The following UTRN variants were observed in gnomAD, a reference collection of about 807,000 sequenced individuals.
UTRN encodes the protein dystrophin-related protein 1.
Under a neutral mutation model 463.9 loss-of-function variants are expected in UTRN, and 283 were observed. The observed-to-expected ratio is 0.61, with a 90% CI of 0.55 to 0.67. The LOEUF is 0.67. Among genes scored for constraint, UTRN ranks in the 30% least tolerant of loss-of-function variants. UTRN has a pLI of 0.00. For missense variants in UTRN, 3,922 were observed against 4,084.3 expected (o/e 0.96, Z 1.08); for synonymous variants, 1,442 against 1,431.5 (o/e 1.01, Z -0.17).
chr6:144,384,263 C>T (rs1205331583), intron 2 of UTRN, among the ~76,000 whole-genome samples: 1 of 152,144 alleles, frequency 6.6e-6, no homozygotes, highest in Non-Finnish European at 1.5e-5. Flanking sequence ...AGGCGAGTCA[C>T]ACAGCAGGGG....
chr6:144,692,726 C>T (rs1783562820), intron 52 of UTRN, among the ~76,000 whole-genome samples: 1 of 152,004 alleles, frequency 6.6e-6, no homozygotes, highest in Non-Finnish European at 1.5e-5. Context: ...GTCCTTTGCC[C>T]ACTTTTTATG....
intron 37 of UTRN, among the ~76,000 whole-genome samples, chr6:144,515,354 A>C (rs930003114): frequency 1.3e-5 from 2 of 152,244 alleles, no homozygotes; most frequent in Non-Finnish European, 2.9e-5. Context: ...TCAAAGACTC[A>C]GTCAAAGGTT....
At chr6:144,552,820 TA>T (rs1010175506) in intron 48 of UTRN, among the ~76,000 whole-genome samples, 1 of 152,218 alleles carries the variant, frequency 6.6e-6, no homozygotes, top group African/African-American at 2.4e-5. Flanking sequence ...TGTTTACTGT[TA>T]AAGGATTCTA....
intron 2 of UTRN, among the ~76,000 whole-genome samples, chr6:144,341,091 G>A (rs192528992): frequency 6.6e-6 from 1 of 152,156 alleles, no homozygotes; most frequent in Non-Finnish European, 1.5e-5. Context: ...ACTATGGAAA[G>A]TTCTATTTGA....
At chr6:144,666,230 A>T (rs1035691900) in intron 51 of UTRN, among the ~76,000 whole-genome samples, 8 of 152,194 alleles carry the variant, frequency 5.3e-5, no homozygotes, top group African/African-American at 1.7e-4. Context: ...GCATCATTGC[A>T]TAGTGATCTA....
intron 18 of UTRN, among the ~76,000 whole-genome samples, chr6:144,452,737 C>T (rs1383537806): frequency 6.6e-6 from 1 of 151,482 alleles, no homozygotes; most frequent in Non-Finnish European, 1.5e-5. Context: ...GAGTTTGAGA[C>T]CAGCCTGGGC....
rs949707762 is a variant in UTRN, at chr6:144,495,267, C to T, written c.4593+1811C>T. ...GAGGGGGTGGGAGGCTCAGGAATGG[C>T]GGGCTGCAGGTCCCGAGCCCTGCCC... On this transcript the variant is annotated intron_variant, in intron 33 of 74. Transcript: ENST00000367545. Among the ~76,000 whole-genome samples the T allele has an allele frequency of 2.0e-5, 3 of 152,194 alleles. No homozygotes were observed. In the East Asian group the frequency reaches 5.8e-4, roughly 29 times the overall value.
At chr6:144,799,397 A>C in intron 64 of UTRN, 1 of 470,672 alleles carries the variant, frequency 2.1e-6, no homozygotes, top group South Asian at 1.6e-5. Flanking sequence ...TAGAGTGAGC[A>C]TTAGCCTGGC....
At chr6:144,657,595 C>T (rs115105180) in intron 51 of UTRN, among the ~76,000 whole-genome samples, 9 of 152,126 alleles carry the variant, frequency 5.9e-5, no homozygotes, top group African/African-American at 1.4e-4. Context: ...TTGTGTTTAA[C>T]CTTGGGTGTG....
chr6:144,468,471 GCC>G (rs1171763727), intron 23 of UTRN, among the ~76,000 whole-genome samples: 1 of 151,658 alleles, frequency 6.6e-6, no homozygotes, highest in Non-Finnish European at 1.5e-5. Context: ...AGAAATGGCT[GCC>G]CCAGATTAGT....
chr6:144,737,284 G>T (rs538297826), intron 54 of UTRN, among the ~76,000 whole-genome samples: 1 of 152,150 alleles, frequency 6.6e-6, no homozygotes, highest in Non-Finnish European at 1.5e-5. Context: ...CTTGATGTCC[G>T]GTGAGTGATG....
At chr6:144,540,809 C>T (rs920903820) in intron 45 of UTRN, among the ~76,000 whole-genome samples, 5 of 152,168 alleles carry the variant, frequency 3.3e-5, no homozygotes, top group Non-Finnish European at 7.3e-5. Flanking sequence ...CTTCAAAATA[C>T]GTATCTACTG....
chr6:144,537,653 A>G lies in UTRN; in HGVS notation c.6305A>G (p.Lys2102Arg), dbSNP rs1797651059. ...QLDEIICWLT[K>R]AEHAMQKRST... is the part of the protein sequence containing the mutation. ...GATGAGATTATCTGTTGGTTAACAAAGGCTGAGCATGCTATGCAAAAGAGA... is the reference window on the plus strand; with the variant it reads ...GATGAGATTATCTGTTGGTTAACAAGGGCTGAGCATGCTATGCAAAAGAGA... Residue 2102 changes from lysine (K) to arginine (R), a missense_variant, in exon 44 of 75, where the codon AAG (lysine) becomes AGG (arginine). This residue lies in a region of UTRN where 2,349 missense variants were observed against 2,303.8 expected (regional missense o/e 1.02). Transcript: ENST00000367545. 1 of 1,612,764 alleles carries G rather than the reference A, an allele frequency of 6.2e-7. No individual in the cohort carries two copies. The highest frequency in any genetic ancestry group is 8.5e-7 in the Non-Finnish European group (1 of 1,179,484).
intron 51 of UTRN, among the ~76,000 whole-genome samples, chr6:144,637,022 G>C (rs963428779): frequency 2.0e-5 from 3 of 152,182 alleles, no homozygotes; most frequent in Non-Finnish European, 4.4e-5. Context: ...AGCCTGAAGT[G>C]CAGTGATGTG....
intron 51 of UTRN, among the ~76,000 whole-genome samples, chr6:144,579,305 A>C (rs142699259): frequency 6.6e-6 from 1 of 152,296 alleles, no homozygotes; most frequent in Admixed American, 6.5e-5. Flanking sequence ...GTGTGGATAG[A>C]TGCTAGATTA....
chr6:144,521,957 T>A lies in UTRN; in HGVS notation c.5542-23T>A, dbSNP rs200454474. On this transcript the variant is annotated intron_variant, in intron 39 of 74. Transcript: ENST00000367545. Reference sequence around the variant, plus strand: ...AAGAGATATATATATATATATATATTTTTTTTTTTGCTGTTTTTGTAGGCA... The same window carrying A: ...AAGAGATATATATATATATATATATATTTTTTTTTGCTGTTTTTGTAGGCA... 5,552 of 1,250,384 alleles carry A rather than the reference T, an allele frequency of 4.4e-3. 15 individuals carry two copies. Among genetic ancestry groups the A allele is most frequent in the African/African-American group, 0.021 (1,297 of 62,140 alleles). The allele number at this position is 1,250,384 out of a possible 1,614,324, so 77.5% of individuals were successfully genotyped here. A position where few individuals can be genotyped will look rare whatever the true frequency, so the allele number is the denominator to read the frequency against.
intron 59 of UTRN, among the ~76,000 whole-genome samples, chr6:144,772,225 G>T (rs998504538): frequency 2.6e-5 from 4 of 151,278 alleles, no homozygotes; most frequent in Non-Finnish European, 5.9e-5. Context: ...ATAGAGACAG[G>T]GTTTTACTGT....
chr6:144,506,225 C>A (rs2128587881), intron 34 of UTRN, among the ~76,000 whole-genome samples: 1 of 152,134 alleles, frequency 6.6e-6, no homozygotes, highest in Middle Eastern at 3.4e-3. Flanking sequence ...GTTTGCCAGT[C>A]TGTGTCTTTT....
intron 51 of UTRN, among the ~76,000 whole-genome samples, chr6:144,595,255 G>T (rs1028794993): frequency 1.3e-5 from 2 of 152,150 alleles, no homozygotes; most frequent in African/African-American, 2.4e-5. Flanking sequence ...TTATGAATTT[G>T]CTATGCAGAG....
Sources: gnomAD v4.1 joint callset for allele counts (sites outside exome capture counted in the v4.1 genomes callset) on GRCh38, gnomAD v4.1.1 for gene constraint, gnomAD v4.1.1 regional missense constraint, MANE v1.5 for transcripts, NCBI Gene and HGNC (gene_info 2026-07-23, HGNC 2026-07-21) for gene names.